WDR19: variants seen among roughly 807,000 people sequenced by gnomAD.
WDR19 encodes the protein WD repeat domain 19, also known as WD repeat-containing protein 19.
In WDR19, 121 loss-of-function variants were observed where a neutral mutation model predicts 180.0. That is an observed-to-expected ratio of 0.67 (90% confidence interval 0.58 to 0.78). The LOEUF is 0.78. Among genes scored for constraint, WDR19 ranks in the 30% least tolerant of loss-of-function variants. The pLI is 0.00. For missense variants in WDR19, 1,450 were observed against 1,640.7 expected (o/e 0.88, Z 2.01); for synonymous variants, 497 against 540.7 (o/e 0.92, Z 1.12).
intron 21 of WDR19, among the ~76,000 whole-genome samples, chr4:39,241,997 G>A (rs1732008085): frequency 6.7e-6 from 1 of 149,540 alleles, no homozygotes; most frequent in South Asian, 2.1e-4. Flanking sequence ...AGATCATTGA[G>A]TATTCACTCA....
intron 20 of WDR19, chr4:39,237,894 C>T (rs1465669845): frequency 2.0e-5 from 3 of 152,176 alleles, no homozygotes; most frequent in Non-Finnish European, 4.4e-5. Context: ...CTCGGACCAT[C>T]CAGAACTCTT....
chr4:39,268,473 AATG>A (rs999144355), intron 30 of WDR19, among the ~76,000 whole-genome samples: 2 of 152,150 alleles, frequency 1.3e-5, no homozygotes, highest in African/African-American at 2.4e-5. Context: ...GATGGAGGGT[AATG>A]ATGCGGTGCT....
At chr4:39,278,404 T>G (rs1736121821) in intron 35 of WDR19, 135 bp from the exon 36 acceptor site, 2 of 821,672 alleles carry the variant, frequency 2.4e-6, no homozygotes, top group Non-Finnish European at 3.8e-6. Context: ...ACTGAATAGT[T>G]CTGATTCTCA....
At chr4:39,223,824 T>G (rs1407775985) in intron 14 of WDR19, among the ~76,000 whole-genome samples, 1 of 152,260 alleles carries the variant, frequency 6.6e-6, no homozygotes, top group Admixed American at 6.5e-5. Context: ...CTAAATTGTT[T>G]TAGCTCTTCT....
At chr4:39,193,223 G>T (rs1403617096) in intron 4 of WDR19, among the ~76,000 whole-genome samples, 1 of 149,030 alleles carries the variant, frequency 6.7e-6, no homozygotes, top group African/African-American at 2.5e-5. Flanking sequence ...GTGCAGTGGC[G>T]CAATCTTGGC....
At chr4:39,252,854 A>G (rs1054408409) in intron 24 of WDR19, among the ~76,000 whole-genome samples, 9 of 152,252 alleles carry the variant, frequency 5.9e-5, no homozygotes, top group Admixed American at 2.6e-4. Context: ...TATTACTATT[A>G]TAATCTTCCT....
chr4:39,269,389 T>C (rs554014081), intron 30 of WDR19, among the ~76,000 whole-genome samples: 1 of 152,008 alleles, frequency 6.6e-6, no homozygotes, highest in South Asian at 2.1e-4. Context: ...ACAGTAGGCA[T>C]GGGAAGGGAG....
chr4:39,197,425 C>CAA (rs11343008), intron 5 of WDR19, among the ~76,000 whole-genome samples: 3 of 113,330 alleles, frequency 2.6e-5, no homozygotes, highest in African/African-American at 1.0e-4. Flanking sequence ...GACTCTATCT[C>CAA]AAAAAAAAAA....
At chr4:39,182,755 G>A (rs1049438183) in intron 1 of WDR19, among the ~76,000 whole-genome samples, 192 bp downstream of exon 1, 1 of 152,084 alleles carries the variant, frequency 6.6e-6, no homozygotes, top group African/African-American at 2.4e-5. Context: ...AAAATAGGAG[G>A]AGAGGAGAGG....
Position 39,268,003 on chromosome 4 carries a change from G to A in WDR19, c.3270G>A (p.Lys1090=), listed in dbSNP as rs1190347398. ...GENDGMPKDA[K]YLFRLYMALK... is the part of the protein sequence containing the mutation. ...AATGGTTTATGTGTCAGGATGCCAA[G>A]TACCTGTTCCGCTTGTACATGGCTC... Residue 1090 remains lysine (K), a synonymous_variant, in exon 30 of 37, where the codon AAG becomes AAA. Coordinates refer to ENST00000399820, the MANE Select transcript of WDR19 (RefSeq NM_025132.4). The A allele has an allele frequency of 6.2e-7, 1 of 1,602,388 alleles. No individual in the cohort carries two copies. Among genetic ancestry groups the A allele is most frequent in the Admixed American group, 1.7e-5 (1 of 58,452 alleles).
At chr4:39,218,272 G>C (rs1287607184) in intron 14 of WDR19, 167 bp downstream of exon 14, 1 of 879,398 alleles carries the variant, frequency 1.1e-6, no homozygotes, top group Admixed American at 2.7e-5. Context: ...TTGCAGTGGG[G>C]ATACATTCTG....
At chr4:39,277,923 G>A (rs1224025289) in intron 34 of WDR19, among the ~76,000 whole-genome samples, 3 of 152,004 alleles carry the variant, frequency 2.0e-5, no homozygotes, top group African/African-American at 7.3e-5. Context: ...GCATGGTGGC[G>A]CACGCCTGTA....
chr4:39,239,940 G>A (rs929059607), intron 20 of WDR19, among the ~76,000 whole-genome samples: 4 of 152,048 alleles, frequency 2.6e-5, no homozygotes, highest in East Asian at 1.9e-4. Flanking sequence ...TTGGGAGGCC[G>A]AGGTGGTGGA....
chr4:39,192,519 G>C (rs1026260305), intron 4 of WDR19, among the ~76,000 whole-genome samples: 1 of 152,130 alleles, frequency 6.6e-6, no homozygotes, highest in African/African-American at 2.4e-5. Flanking sequence ...GCCCAGGCTG[G>C]AGTGCAGTGG....
At chr4:39,188,916 A>AT (rs779658577) in intron 3 of WDR19, among the ~76,000 whole-genome samples, 43 of 147,514 alleles carry the variant, frequency 2.9e-4, no homozygotes, top group Non-Finnish European at 4.5e-4. Context: ...CGCCCAGCTC[A>AT]TTTTTTTTTC....
chr4:39,257,582 A>G (rs772197654), intron 28 of WDR19, 28 bp downstream of exon 28: 25 of 1,546,344 alleles, frequency 1.6e-5, no homozygotes, highest in African/African-American at 1.4e-4. Flanking sequence ...GAAACTTTCA[A>G]TAATGCCAAT....
chr4:39,277,201 A>T, intron 34 of WDR19, 58 bp downstream of exon 34: 3 of 1,506,042 alleles, frequency 2.0e-6, no homozygotes, highest in Non-Finnish European at 2.7e-6. Flanking sequence ...ACCCATTTGA[A>T]TACTTGATGT....
chr4:39,189,763 A>C lies in WDR19; in HGVS notation c.272A>C (p.Gln91Pro). The change falls in exon 4 of 37, where the codon CAG becomes CCG. Residue 91 changes from glutamine to proline, a missense_variant. By Grantham distance (76) the Gln-to-Pro change is moderately conservative (BLOSUM62 -1). Transcript: ENST00000399820. Reference sequence around the variant, plus strand: ...GATGCCAACACAAATAAGACCAGCCAGTTAGACAATGGCATGAGGTAAGAT... The same window carrying C: ...GATGCCAACACAAATAAGACCAGCCCGTTAGACAATGGCATGAGGTAAGAT... ...LWDANTNKTS[Q>P]LDNGMRDQMS... is the part of the protein sequence containing the mutation. The C allele has an allele frequency of 1.2e-6, 2 of 1,605,482 alleles. No homozygotes were observed. The highest frequency in any genetic ancestry group is 1.7e-6 in the Non-Finnish European group (2 of 1,177,590).
At chr4:39,255,546 T>C (rs1437279142) in intron 26 of WDR19, among the ~76,000 whole-genome samples, 4 of 152,176 alleles carry the variant, frequency 2.6e-5, no homozygotes, top group African/African-American at 9.7e-5. Context: ...CTGACAAATA[T>C]ACAGACTATT....
Sources: allele counts gnomAD v4.1 joint callset (sites outside exome capture counted in the v4.1 genomes callset), GRCh38; gene constraint gnomAD v4.1.1; transcripts MANE v1.5; gene names NCBI Gene and HGNC (gene_info 2026-07-23, HGNC 2026-07-21).